AQP9: variants seen among roughly 807,000 people sequenced by gnomAD.
AQP9 encodes the protein aquaporin-9.
In AQP9, 19 loss-of-function variants were observed where a neutral mutation model predicts 23.8. The ratio of observed to expected loss-of-function variants is 0.80; its 90% confidence interval spans 0.56 to 1.17. The LOEUF (loss-of-function observed/expected upper bound fraction) is 1.17. Among genes scored for constraint, AQP9 ranks in the 50% most tolerant of loss-of-function variants. AQP9 has a pLI of 0.00. For synonymous variants in AQP9, 153 were observed against 131.5 expected (o/e 1.16, Z -1.12); for missense variants, 413 against 362.0 (o/e 1.14, Z -1.14).
chr15:58,138,841 G>C, intron 1 of AQP9, 165 bp downstream of exon 1: 2 of 603,212 alleles, frequency 3.3e-6, no homozygotes, highest in Non-Finnish European at 5.8e-6. Context: ...CTATTTAGGG[G>C]TTGTGATATT....
At chr15:58,183,705 T>C (rs1169141144) in intron 5 of AQP9, among the ~76,000 whole-genome samples, 4 of 152,112 alleles carry the variant, frequency 2.6e-5, no homozygotes, top group Admixed American at 2.0e-4. Flanking sequence ...CACTATATTT[T>C]ATAAAAAGAA....
intron 1 of AQP9, chr15:58,153,819 A>G (rs1246836828): frequency 6.6e-6 from 1 of 152,026 alleles, no homozygotes; most frequent in African/African-American, 2.4e-5. Flanking sequence ...CCTTTCTATT[A>G]CTCTTATCGC....
chr15:58,174,182 G>C (rs1898688185), intron 3 of AQP9, among the ~76,000 whole-genome samples: 1 of 152,064 alleles, frequency 6.6e-6, no homozygotes, highest in African/African-American at 2.4e-5. Flanking sequence ...CAGCTACTCA[G>C]GAGGCTGATA....
chr15:58,157,829 G>C (rs1898295406), intron 1 of AQP9, among the ~76,000 whole-genome samples: 1 of 152,128 alleles, frequency 6.6e-6, no homozygotes, highest in South Asian at 2.1e-4. Context: ...AATTGAAAAA[G>C]CTGGAGATAA....
intron 1 of AQP9, among the ~76,000 whole-genome samples, chr15:58,162,944 TG>T: frequency 6.6e-6 from 1 of 152,272 alleles, no homozygotes; most frequent in South Asian, 2.1e-4. Context: ...CCACTAAGTT[TG>T]GGGGTGGTGA....
chr15:58,171,929 G>A (rs1898634429), intron 2 of AQP9, among the ~76,000 whole-genome samples: 1 of 152,196 alleles, frequency 6.6e-6, no homozygotes, highest in Non-Finnish European at 1.5e-5. Context: ...ACATCTCAAT[G>A]TGGTGTCTCT....
Position 58,170,683 on chromosome 15 carries a change from G to A in AQP9, c.239-2385G>A, listed in dbSNP as rs542139019. 5.3e-5 allele frequency among the ~76,000 whole-genome samples: 8 copies of A among 152,178 alleles called. No individual in the cohort carries two copies. The South Asian group carries it at 1.2e-3, about 24-fold the overall frequency. On this transcript the variant is annotated intron_variant, in intron 2 of 5. Coordinates refer to ENST00000219919, the MANE Select transcript of AQP9 (RefSeq NM_020980.5). The stretch of plus-strand genomic sequence containing the variant: ...CTCCCAAAGTGCTGAGATTACAAGC[G>A]TGAGCCACCATGCCCTGCCTATTTC...
intron 1 of AQP9, among the ~76,000 whole-genome samples, chr15:58,157,139 T>A (rs112979115): frequency 4.6e-5 from 7 of 152,198 alleles, no homozygotes; most frequent in Admixed American, 6.5e-5. Flanking sequence ...CATCATTTAA[T>A]GACAAAATAT....
chr15:58,170,446 C>T (rs766742803), intron 2 of AQP9, among the ~76,000 whole-genome samples: 1 of 151,842 alleles, frequency 6.6e-6, no homozygotes, highest in African/African-American at 2.4e-5. Context: ...TGCTCTGTCA[C>T]CAGGCTGGAG....
At chr15:58,148,724 A>G (rs1271421311) in intron 1 of AQP9, among the ~76,000 whole-genome samples, 2 of 152,188 alleles carry the variant, frequency 1.3e-5, no homozygotes, top group Non-Finnish European at 2.9e-5. Flanking sequence ...AGGGATGTGA[A>G]TGCCTGGTGA....
Position 58,174,902 on chromosome 15 carries a change from G to A in AQP9, c.377-16G>A, listed in dbSNP as rs1566989820. On this transcript the variant is annotated splice_polypyrimidine_tract_variant and intron_variant, in intron 3 of 5. Coordinates refer to ENST00000219919, the MANE Select transcript of AQP9 (RefSeq NM_020980.5). Reference sequence around the variant, plus strand: ...TCCCAGGGAACACTAATGTGCCAGAGCTTTCTCTTTCATAGATGGACTTAT... The same window carrying A: ...TCCCAGGGAACACTAATGTGCCAGAACTTTCTCTTTCATAGATGGACTTAT... 1 of 1,607,722 alleles carries A rather than the reference G, an allele frequency of 6.2e-7. No homozygotes were observed. Among genetic ancestry groups the A allele is most frequent in the Admixed American group, 1.7e-5 (1 of 60,020 alleles).
intron 1 of AQP9, among the ~76,000 whole-genome samples, chr15:58,158,568 T>A (rs1263547208): frequency 6.6e-6 from 1 of 152,194 alleles, no homozygotes; most frequent in Non-Finnish European, 1.5e-5. Flanking sequence ...GTAGCTGGTA[T>A]TCCTTTATTC....
intron 1 of AQP9, among the ~76,000 whole-genome samples, chr15:58,163,236 C>T (rs1898419798): frequency 6.6e-6 from 1 of 152,160 alleles, no homozygotes; most frequent in African/African-American, 2.4e-5. Context: ...CCTCCATCTC[C>T]TATATGGTTT....
chr15:58,175,479 A>T (rs1898731025), intron 4 of AQP9, among the ~76,000 whole-genome samples: 2 of 152,228 alleles, frequency 1.3e-5, no homozygotes. Context: ...AGGTTTATTT[A>T]TTTAAACTCT....
At chr15:58,169,380 A>G (rs1408831148) in intron 2 of AQP9, among the ~76,000 whole-genome samples, 1 of 152,138 alleles carries the variant, frequency 6.6e-6, no homozygotes, top group Non-Finnish European at 1.5e-5. Flanking sequence ...CAGGCTCCCT[A>G]AGGACTGGTG....
intron 2 of AQP9, among the ~76,000 whole-genome samples, chr15:58,169,589 T>C (rs1165698875): frequency 6.6e-6 from 1 of 152,206 alleles, no homozygotes; most frequent in Non-Finnish European, 1.5e-5. Context: ...GCTTGAAGAT[T>C]CCAAAAGTAA....
intron 1 of AQP9, among the ~76,000 whole-genome samples, chr15:58,139,691 G>A (rs1897918143): frequency 6.6e-6 from 1 of 152,176 alleles, no homozygotes; most frequent in South Asian, 2.1e-4. Context: ...CATCAGCTAA[G>A]CCAAGAATGA....
intron 1 of AQP9, among the ~76,000 whole-genome samples, chr15:58,144,105 G>T (rs905291338): frequency 6.6e-6 from 1 of 152,128 alleles, no homozygotes; most frequent in Non-Finnish European, 1.5e-5. Flanking sequence ...TTTACTAAAC[G>T]TTTAGGTGCC....
rs1177067417 is a variant in AQP9 at position 58,184,781 on chromosome 15, AT to A, written c.*651del. On this transcript the variant is annotated 3_prime_UTR_variant, in exon 6 of 6. Coordinates refer to ENST00000219919, the MANE Select transcript of AQP9 (RefSeq NM_020980.5). ...AGATGAATTTGAGAAGCCAAATGGA[AT>A]TTTTAATGGAAACCATTTATCAGAT... is the stretch of plus-strand genomic sequence containing the variant. The A allele has an allele frequency of 6.6e-6, 1 of 152,208 alleles. No homozygotes were observed. The highest frequency in any genetic ancestry group is 1.5e-5 in the Non-Finnish European group (1 of 68,044). 9.4% of individuals were successfully genotyped at this position (152,208 alleles called of 1,614,324 possible). A position where few individuals can be genotyped will look rare whatever the true frequency, so the allele number is the denominator to read the frequency against.
Sources: gnomAD v4.1 joint callset for allele counts (sites outside exome capture counted in the v4.1 genomes callset) on GRCh38, gnomAD v4.1.1 for gene constraint, MANE v1.5 for transcripts, NCBI Gene and HGNC (gene_info 2026-07-23, HGNC 2026-07-21) for gene names.